MLF1: variants seen among roughly 807,000 people sequenced by gnomAD.
MLF1 encodes myeloid leukemia factor 1, also known as myelodysplasia-myeloid leukemia factor 1.
In MLF1, 37 loss-of-function variants were observed where a neutral mutation model predicts 38.3. That is an observed-to-expected ratio of 0.96 (90% confidence interval 0.74 to 1.27). MLF1 has a LOEUF of 1.27. MLF1 is among the 50% of genes most tolerant of loss of function. The pLI is 0.00. For synonymous variants in MLF1, 95 were observed against 106.5 expected, an observed-to-expected ratio of 0.89 and a Z score of 0.66; for missense variants, 331 against 349.2, an observed-to-expected ratio of 0.95 and a Z score of 0.42.
rs1560093728 is a variant in MLF1 at position 158,574,521 on chromosome 3, A to AC, written c.47+3174_47+3175insC. Among the ~76,000 whole-genome samples the AC allele has an allele frequency of 2.4e-4, 35 of 146,110 alleles. 3 individuals carry two copies. The highest frequency in any genetic ancestry group is 4.4e-4 in the South Asian group (2 of 4,530). On this transcript the variant is annotated intron_variant, in intron 1 of 7. Coordinates refer to ENST00000466246, the MANE Select transcript of MLF1 (RefSeq NM_001369783.1). ...CATCTGTACTAAAAAAAAAAAAAAA[A>AC]AAAAAATACAAAATTAGCCAGGCAT... is the stretch of plus-strand genomic sequence containing the variant.
At chr3:158,587,297 GT>G (rs1717375772) in intron 1 of MLF1, among the ~76,000 whole-genome samples, 1 of 152,188 alleles carries the variant, frequency 6.6e-6, no homozygotes, top group African/African-American at 2.4e-5. Context: ...TTAGGGAGCA[GT>G]GCTTTTTAAC....
intron 1 of MLF1, chr3:158,588,873 G>A: frequency 2.2e-6 from 1 of 456,578 alleles, no homozygotes; most frequent in Non-Finnish European, 4.4e-6. Context: ...GTCTTACTCT[G>A]CAGCAGCTGA....
chr3:158,601,682 G>A (rs568972661), intron 6 of MLF1, among the ~76,000 whole-genome samples: 24 of 151,386 alleles, frequency 1.6e-4, no homozygotes, highest in Non-Finnish European at 2.9e-4. Context: ...TCTTGAACCC[G>A]GAAGGCAGAG....
intron 7 of MLF1, among the ~76,000 whole-genome samples, chr3:158,603,193 CA>C (rs752805979): frequency 6.6e-6 from 1 of 152,028 alleles, no homozygotes; most frequent in Non-Finnish European, 1.5e-5. Flanking sequence ...AGACAGAGAC[CA>C]AAATCCTCTT....
chr3:158,598,516 C>T (rs1719250516), intron 5 of MLF1, among the ~76,000 whole-genome samples: 3 of 150,800 alleles, frequency 2.0e-5, no homozygotes. Context: ...GAAAAGAAGC[C>T]TTTGTTTCAT....
chr3:158,605,881 A>T lies in MLF1; in HGVS notation c.*679A>T, dbSNP rs534529899. ...ATATTACATTCTTAATATTCACCAG[A>T]TATTATATTGACCATTCTCTTTAAC... On this transcript the variant is annotated 3_prime_UTR_variant, in exon 8 of 8. Transcript: ENST00000466246. 30 of 180,892 alleles carry T rather than the reference A, an allele frequency of 1.7e-4. No homozygotes were observed. The highest frequency in any genetic ancestry group is 7.1e-4 in the African/African-American group (30 of 42,536). The allele number at this position is 180,892 out of a possible 1,614,324, so 11.2% of individuals were successfully genotyped here. A position where few individuals can be genotyped will look rare whatever the true frequency, so the allele number is the denominator to read the frequency against.
chr3:158,582,790 C>A, intron 1 of MLF1: 1 of 632,394 alleles, frequency 1.6e-6, no homozygotes, highest in South Asian at 1.8e-5. Flanking sequence ...CTCAGACAAA[C>A]AAAAATTTGG....
At chr3:158,588,070 TTACTTCGGGGAAAGAGC>T (rs1717516706) in intron 1 of MLF1, among the ~76,000 whole-genome samples, 1 of 152,172 alleles carries the variant, frequency 6.6e-6, no homozygotes, top group Admixed American at 6.5e-5. Context: ...ACATGATGGC[TTACTTCGGGGAAAGAGC>T]TACCATGATG....
At chr3:158,578,435 A>G (rs1715803563) in intron 1 of MLF1, among the ~76,000 whole-genome samples, 1 of 151,292 alleles carries the variant, frequency 6.6e-6, no homozygotes, top group Non-Finnish European at 1.5e-5. Flanking sequence ...TAAAAACAAT[A>G]AATTATTCTA....
In MLF1 at chr3:158,602,885, C is replaced by T. The variant is rs368269871; in HGVS notation, c.692C>T (p.Thr231Ile). Reference protein sequence around the residue: ...YKPGRHNLGNTRMRSVGHENP... With the variant: ...YKPGRHNLGNIRMRSVGHENP... ...CCAGGACGACACAATCTAGGAAACA[C>T]TAGAATGAGAAGTGTTGGCCATGAG... The change falls in exon 7 of 8, where the codon ACT becomes ATT. Residue 231 changes from threonine to isoleucine, a missense_variant. Thr to Ile is a moderately conservative substitution (Grantham distance 89). Coordinates refer to ENST00000466246, the MANE Select transcript of MLF1 (RefSeq NM_001369783.1). 3.2e-5 allele frequency: 52 copies of T among 1,613,416 alleles called. No individual in the cohort carries two copies. Among genetic ancestry groups the T allele is most frequent in the Non-Finnish European group, 4.3e-5 (51 of 1,179,748 alleles).
intron 7 of MLF1, among the ~76,000 whole-genome samples, chr3:158,604,094 T>A (rs1720180502): frequency 6.6e-6 from 1 of 152,246 alleles, no homozygotes; most frequent in African/African-American, 2.4e-5. Context: ...AGAAGCCTTA[T>A]GCAGAATTTC....
chr3:158,598,144 A>C lies in MLF1; in HGVS notation c.389A>C (p.Lys130Thr), dbSNP rs1254527653. 1 of 1,613,844 alleles carries C rather than the reference A, an allele frequency of 6.2e-7. No homozygotes were observed. Among genetic ancestry groups the C allele is most frequent in the Non-Finnish European group, 8.5e-7 (1 of 1,179,904 alleles). Reference sequence around the variant, plus strand: ...TCTTCCTCAGTTATGACTTATTCCAAAATAGGAGATGAACCGCCAAAGGTT... The same window carrying C: ...TCTTCCTCAGTTATGACTTATTCCACAATAGGAGATGAACCGCCAAAGGTT... ...FCSSSVMTYS[K>T]IGDEPPKVFQ... Residue 130 changes from lysine to threonine, a missense_variant, in exon 5 of 8, where the codon AAA becomes ACA. Lys to Thr is a moderately conservative substitution (Grantham distance 78). Coordinates refer to ENST00000466246, the MANE Select transcript of MLF1 (RefSeq NM_001369783.1).
intron 1 of MLF1, chr3:158,590,898 A>G (rs1323340188): frequency 2.3e-6 from 1 of 433,070 alleles, no homozygotes; most frequent in African/African-American, 2.0e-5. Flanking sequence ...GCTGAATGAA[A>G]ACATCTGTCT....
intron 1 of MLF1, among the ~76,000 whole-genome samples, chr3:158,581,725 C>T (rs1285603808): frequency 6.6e-6 from 1 of 152,074 alleles, no homozygotes; most frequent in Non-Finnish European, 1.5e-5. Flanking sequence ...GTATCCAAAC[C>T]GTATTTCTAG....
chr3:158,598,918 T>C (rs1039043476), intron 5 of MLF1, among the ~76,000 whole-genome samples: 12 of 152,220 alleles, frequency 7.9e-5, no homozygotes, highest in African/African-American at 2.4e-4. Flanking sequence ...ACATAAAGGG[T>C]ATCATATTGC....
intron 5 of MLF1, 118 bp downstream of exon 5, chr3:158,598,326 A>C: frequency 6.5e-5 from 25 of 387,238 alleles, no homozygotes; most frequent in Non-Finnish European, 8.6e-5. Context: ...GACAGGAGGG[A>C]GGTGTGGGGG....
In MLF1 at chr3:158,571,194, G is replaced by A. The variant is rs1428768044; in HGVS notation, c.-107G>A. ...CGGCGGGCACCGCCTGCGCCGCGGC[G>A]AGTGAGGCGTCGTCCGTACTGGAGG... is the stretch of plus-strand genomic sequence containing the variant. On this transcript the variant is annotated 5_prime_UTR_variant, in exon 1 of 8. Coordinates refer to ENST00000466246, the MANE Select transcript of MLF1 (RefSeq NM_001369783.1). The A allele has an allele frequency of 1.2e-6, 1 of 867,012 alleles. No homozygotes were observed. The highest frequency in any genetic ancestry group is 1.9e-6 in the Non-Finnish European group (1 of 535,264). The allele number at this position is 867,012 out of a possible 1,614,324, so 53.7% of individuals were successfully genotyped here.
At chr3:158,597,323 A>G (rs1230699910) in intron 4 of MLF1, among the ~76,000 whole-genome samples, 2 of 150,184 alleles carry the variant, frequency 1.3e-5, no homozygotes, top group Admixed American at 1.3e-4. Flanking sequence ...GTAAATGAAC[A>G]TTTTATATGA....
rs148596820 is a variant in MLF1, at chr3:158,580,531, A to G, written c.47+9184A>G. ...ATTTATAAATTGTCACAACTTCTTTATAGTGCTTGTTGCATATAATTTTGC... is the reference window on the plus strand; with the variant it reads ...ATTTATAAATTGTCACAACTTCTTTGTAGTGCTTGTTGCATATAATTTTGC... On this transcript the variant is annotated intron_variant, in intron 1 of 7. Coordinates refer to ENST00000466246, the MANE Select transcript of MLF1 (RefSeq NM_001369783.1). Among the ~76,000 whole-genome samples the G allele has an allele frequency of 5.1e-3, 775 of 152,306 alleles. 12 individuals carry two copies. The highest frequency in any genetic ancestry group is 0.018 in the African/African-American group (746 of 41,560).
Sources: gnomAD v4.1 joint callset for allele counts (sites outside exome capture counted in the v4.1 genomes callset) on GRCh38, gnomAD v4.1.1 for gene constraint, MANE v1.5 for transcripts, NCBI Gene and HGNC (gene_info 2026-07-23, HGNC 2026-07-21) for gene names.